Variants in ZBTB7C observed in about 807,000 individuals in gnomAD.
The protein encoded by ZBTB7C is zinc finger and BTB domain-containing protein 7C.
In ZBTB7C, 8 loss-of-function variants were observed where a neutral mutation model predicts 25.7. The ratio of observed to expected loss-of-function variants is 0.31; its 90% CI spans 0.18 to 0.56. The LOEUF is 0.56. ZBTB7C is among the 20% of genes least tolerant of loss of function. The probability of loss-of-function intolerance (pLI) is 0.91; values close to 1 mark genes in which losing one functional copy is unlikely to be tolerated. For synonymous variants in ZBTB7C, 394 were observed against 369.0 expected (o/e 1.07, Z -0.78); for missense variants, 824 against 855.2 (o/e 0.96, Z 0.46).
Position 48,176,616 on chromosome 18 carries a change from C to CGT in ZBTB7C, c.-17+9316_-17+9317dup, listed in dbSNP as rs10533963. On this transcript the variant is annotated intron_variant, in intron 3 of 4. Transcript: ENST00000590800. ...ACCTTCAAATGGTTCAGGAAATACA[C>CGT]GTGTGTGTGTGTGTGTGTGTGTGTG... Among the ~76,000 whole-genome samples, 685 of 149,714 alleles carry CGT rather than the reference C, an allele frequency of 4.6e-3. 5 individuals carry two copies. The highest frequency in any genetic ancestry group is 0.013 in the African/African-American group (537 of 40,638).
rs549638333 is a variant in ZBTB7C at position 48,174,765 on chromosome 18, G to T, written c.-17+11169C>A. Among the ~76,000 whole-genome samples the T allele has an allele frequency of 2.0e-5, 3 of 152,298 alleles. No individual in the cohort carries two copies. In the South Asian group the frequency reaches 6.2e-4, roughly 32 times the overall value. On this transcript the variant is annotated intron_variant, in intron 3 of 4. Transcript: ENST00000590800. ...TGACTGCCAGGAAATATTACTGAAT[G>T]AATAAAGTAAAATGTAAATACATCT...
At position 48,218,330 on chromosome 18, in the gene ZBTB7C, G is replaced by T. The variant is rs184698629; in HGVS notation, c.-78-32335C>A. ...TGACTGTGCCTCTGCTGGCTCGAGA[G>T]GCTGGTCACCCTGCTCTCTCCCAGG... On this transcript the variant is annotated intron_variant, in intron 2 of 4. Transcript: ENST00000590800. 3.6e-4 allele frequency among the ~76,000 whole-genome samples: 55 copies of T among 152,350 alleles called. No individual in the cohort carries two copies. In the East Asian group the frequency reaches 8.9e-3, roughly 25 times the overall value.
At chr18:48,384,180 C>T (rs546953931) in intron 1 of ZBTB7C, among the ~76,000 whole-genome samples, 22 of 152,342 alleles carry the variant, frequency 1.4e-4, no homozygotes, top group Non-Finnish European at 2.8e-4. Context: ...GCTTGAGCAA[C>T]GGTCAGCTTT....
chr18:48,394,718 C>A (rs2047980731), intron 1 of ZBTB7C, among the ~76,000 whole-genome samples: 1 of 152,078 alleles, frequency 6.6e-6, no homozygotes, highest in Non-Finnish European at 1.5e-5. Context: ...CAAAAATTAG[C>A]CAGGTTCTAC....
At chr18:48,410,047 CCGGCGCACG>C (rs2048365876), upstream of ZBTB7C, among the ~76,000 whole-genome samples, 4 of 151,188 alleles carry the variant, frequency 2.6e-5, no homozygotes, top group South Asian at 8.3e-4. Flanking sequence ...CTCTGCCGCC[CCGGCGCACG>C]GCTATTTTTA....
intron 2 of ZBTB7C, among the ~76,000 whole-genome samples, chr18:48,249,437 G>A (rs999649587): frequency 6.6e-6 from 1 of 152,156 alleles, no homozygotes; most frequent in African/African-American, 2.4e-5. Context: ...CATTAAAATG[G>A]TAATTATGCA....
intron 1 of ZBTB7C, among the ~76,000 whole-genome samples, chr18:48,370,330 A>G (rs1273371724): frequency 2.0e-5 from 3 of 152,266 alleles, no homozygotes; most frequent in East Asian, 3.8e-4. Flanking sequence ...AAAGGATTAC[A>G]TAAGTATTAT....
chr18:48,047,054 G>A (rs2036502416), intron 3 of ZBTB7C, among the ~76,000 whole-genome samples: 1 of 152,168 alleles, frequency 6.6e-6, no homozygotes, highest in Non-Finnish European at 1.5e-5. Context: ...TTCCAGGCAG[G>A]AGACTAACCT....
At chr18:48,154,784 C>T (rs1318391448) in intron 3 of ZBTB7C, among the ~76,000 whole-genome samples, 2 of 152,196 alleles carry the variant, frequency 1.3e-5, no homozygotes, top group African/African-American at 4.8e-5. Context: ...CATTTGAAGT[C>T]TCACCTGCAA....
chr18:48,122,298 G>A (rs1354141082), intron 3 of ZBTB7C, among the ~76,000 whole-genome samples: 1 of 152,218 alleles, frequency 6.6e-6, no homozygotes, highest in Non-Finnish European at 1.5e-5. Flanking sequence ...TCAACTGAAT[G>A]GATGGTCGAC....
rs145348838 is a variant in ZBTB7C, at chr18:48,253,532, G to A, written c.-78-67537C>T. Among the ~76,000 whole-genome samples, 207 of 152,292 alleles carry A rather than the reference G, an allele frequency of 1.4e-3. 2 individuals carry two copies. The highest frequency in any genetic ancestry group is 1.6e-3 in the Non-Finnish European group (108 of 68,020). On this transcript the variant is annotated intron_variant, in intron 2 of 4. Transcript: ENST00000590800. ...AGAGAGTGTCCAGGCCATAGAGCAGGAAGGGAGAACTGAGGCACTAGCATT... is the reference window on the plus strand; with the variant it reads ...AGAGAGTGTCCAGGCCATAGAGCAGAAAGGGAGAACTGAGGCACTAGCATT...
At chr18:48,107,137 T>G (rs1352700540) in intron 3 of ZBTB7C, among the ~76,000 whole-genome samples, 13 of 108,526 alleles carry the variant, frequency 1.2e-4, no homozygotes, top group East Asian at 2.7e-4. Context: ...AGGTGGAGAA[T>G]GTGGGGAGGG....
intron 3 of ZBTB7C, among the ~76,000 whole-genome samples, chr18:48,092,375 T>G (rs1319922861): frequency 6.6e-6 from 1 of 152,228 alleles, no homozygotes; most frequent in Non-Finnish European, 1.5e-5. Context: ...TTTATGCCAG[T>G]TGTACTGGTT....
intron 2 of ZBTB7C, among the ~76,000 whole-genome samples, chr18:48,270,358 A>C (rs917080935): frequency 4.1e-5 from 6 of 145,166 alleles, no homozygotes; most frequent in African/African-American, 1.5e-4. Context: ...CAGCCTCCCG[A>C]GTAGCTGGGA....
chr18:48,030,022 C>G (rs1157696824), intron 4 of ZBTB7C, 111 bp from the exon 5 acceptor site: 13 of 1,417,468 alleles, frequency 9.2e-6, no homozygotes, highest in Non-Finnish European at 1.1e-5. Flanking sequence ...GCCATGGAGT[C>G]AAACCCCAGA....
chr18:48,189,031 A>ATCT, intron 2 of ZBTB7C, among the ~76,000 whole-genome samples: 1 of 152,324 alleles, frequency 6.6e-6, no homozygotes, highest in Non-Finnish European at 1.5e-5. Flanking sequence ...ACCCTGAGCA[A>ATCT]TGATTATTGC....
At chr18:48,298,007 G>A (rs551994915) in intron 2 of ZBTB7C, among the ~76,000 whole-genome samples, 1 of 152,266 alleles carries the variant, frequency 6.6e-6, no homozygotes, top group Non-Finnish European at 1.5e-5. Context: ...GAGGCCGGGC[G>A]CAGTGGCTCA....
At chr18:48,213,787 G>T (rs1358603941) in intron 2 of ZBTB7C, among the ~76,000 whole-genome samples, 1 of 152,206 alleles carries the variant, frequency 6.6e-6, no homozygotes, top group African/African-American at 2.4e-5. Context: ...GGCAGGGATG[G>T]GAATGGGCAC....
At chr18:48,169,560 G>A (rs113493871) in intron 3 of ZBTB7C, among the ~76,000 whole-genome samples, 113 of 152,286 alleles carry the variant, frequency 7.4e-4, no homozygotes, top group African/African-American at 2.6e-3. Flanking sequence ...GGGTCAGAAA[G>A]GTGAAGTGTC....
Sources: gnomAD v4.1 joint callset for allele counts (sites outside exome capture counted in the v4.1 genomes callset) on GRCh38, gnomAD v4.1.1 for gene constraint, MANE v1.5 for transcripts, NCBI Gene and HGNC (gene_info 2026-07-23, HGNC 2026-07-21) for gene names.